Variants in STAB1 observed in about 807,000 individuals in gnomAD.
STAB1 encodes the protein stabilin 1.
Under a neutral mutation model 332.4 loss-of-function variants are expected in STAB1, and 250 were observed. The ratio of observed to expected loss-of-function variants is 0.75; its 90% CI spans 0.68 to 0.84. STAB1 has a LOEUF of 0.84. Ranked by LOEUF, STAB1 falls within the 40% of genes least tolerant of loss-of-function variation. STAB1 has a pLI of 0.00. For synonymous variants in STAB1, 1,475 were observed against 1,390.4 expected (o/e 1.06, Z -1.35); for missense variants, 3,249 against 3,489.7 (o/e 0.93, Z 1.74).
rs777603229 is a variant in STAB1 at position 52,521,443 on chromosome 3, C to T, written c.5991C>T (p.Cys1997=). The T allele has an allele frequency of 5.6e-6, 9 of 1,614,024 alleles. No individual in the cohort carries two copies. Among genetic ancestry groups the T allele is most frequent in the Non-Finnish European group, 7.6e-6 (9 of 1,180,014 alleles). Residue 1997 remains cysteine, a synonymous_variant, in exon 56 of 69, where the codon TGC becomes TGT. Coordinates refer to ENST00000321725, the MANE Select transcript of STAB1 (RefSeq NM_015136.3). Reference sequence around the variant, plus strand: ...TGAGTGGCAGTGGGCAGTGTCTGTGCCGTTCAGGTTTTGCTGGGACAGCCT... The same window carrying T: ...TGAGTGGCAGTGGGCAGTGTCTGTGTCGTTCAGGTTTTGCTGGGACAGCCT... ...DGMSGSGQCL[C]RSGFAGTACE...
In STAB1 at chr3:52,513,891, G is replaced by T. The variant is rs757699967; in HGVS notation, c.3357G>T (p.Leu1119=). 1 of 1,604,858 alleles carries T rather than the reference G, an allele frequency of 6.2e-7. No individual in the cohort carries two copies. The highest frequency in any genetic ancestry group is 1.1e-5 in the South Asian group (1 of 90,572). ...GVLHILSQVL[L]PPRGDVPGGQ... ...CCTGTGCTCTGTACCAGGTCTTACTGCCCCCCCGAGGGGATGTGCCCGGTG... is the reference window on the plus strand; with the variant it reads ...CCTGTGCTCTGTACCAGGTCTTACTTCCCCCCCGAGGGGATGTGCCCGGTG... Residue 1119 remains leucine, a synonymous_variant, in exon 32 of 69, where the codon CTG becomes CTT. Transcript: ENST00000321725.
Position 52,518,766 on chromosome 3 carries a change from G to C in STAB1, c.4931G>C (p.Arg1644Pro). The stretch of plus-strand genomic sequence containing the variant: ...CGTGCGCATCGCCAGCTGGTGTTTC[G>C]CTACCACGTGGTTGGCTGTCGGCGG... ...RIRAHRQLVF[R>P]YHVVGCRRLR... is the part of the protein sequence containing the mutation. Residue 1644 changes from arginine to proline, a missense_variant, in exon 48 of 69, where the codon CGC (arginine) becomes CCC (proline). Arg to Pro is a moderately radical substitution (Grantham distance 103). Transcript: ENST00000321725. The C allele has an allele frequency of 6.2e-7, 1 of 1,612,536 alleles. No individual in the cohort carries two copies. The highest frequency in any genetic ancestry group is 8.5e-7 in the Non-Finnish European group (1 of 1,179,842).
intron 1 of STAB1, among the ~76,000 whole-genome samples, chr3:52,500,652 G>A (rs889149089): frequency 5.9e-5 from 9 of 152,238 alleles, no homozygotes; most frequent in African/African-American, 1.9e-4. Flanking sequence ...TGGAGTCGCC[G>A]TGTCCTCCCA....
chr3:52,511,379 C>T (rs1405056007), intron 25 of STAB1, among the ~76,000 whole-genome samples: 2 of 152,276 alleles, frequency 1.3e-5, no homozygotes. Flanking sequence ...CTGGCAGGGC[C>T]CCAGGCTCCA....
At chr3:52,511,230 C>T (rs1025976567) in intron 25 of STAB1, among the ~76,000 whole-genome samples, 2 of 152,172 alleles carry the variant, frequency 1.3e-5, no homozygotes, top group Admixed American at 1.3e-4. Flanking sequence ...TAGACAAGCC[C>T]AGGGACACTG....
intron 21 of STAB1, 110 bp from the exon 22 acceptor site, chr3:52,509,100 T>G: frequency 2.1e-6 from 2 of 967,916 alleles, no homozygotes; most frequent in Non-Finnish European, 3.0e-6. Context: ...GGATGAGCTC[T>G]CACGGGTAGC....
Position 52,504,446 on chromosome 3 carries a change from C to T in STAB1, c.1151-15C>T, listed in dbSNP as rs1341462738. Reference sequence around the variant, plus strand: ...CCCCAGCTCCCTTCTGATGCTCCCTCACCCTGCCCCCCAGACCAGGGCTGC... The same window carrying T: ...CCCCAGCTCCCTTCTGATGCTCCCTTACCCTGCCCCCCAGACCAGGGCTGC... On this transcript the variant is annotated splice_polypyrimidine_tract_variant and intron_variant, in intron 10 of 68. Transcript: ENST00000321725. 2 of 1,613,562 alleles carry T rather than the reference C, an allele frequency of 1.2e-6. No homozygotes were observed. Among genetic ancestry groups the T allele is most frequent in the Admixed American group, 1.7e-5 (1 of 60,024 alleles).
chr3:52,503,603 C>T, intron 8 of STAB1, 63 bp downstream of exon 8: 1 of 1,583,098 alleles, frequency 6.3e-7, no homozygotes, highest in Non-Finnish European at 8.6e-7. Flanking sequence ...CTATGGGACC[C>T]TGGGCAAGTC....
intron 7 of STAB1, 81 bp from the exon 8 acceptor site, chr3:52,503,263 C>G: frequency 5.2e-6 from 8 of 1,527,574 alleles, no homozygotes; most frequent in Non-Finnish European, 7.1e-6. Flanking sequence ...CCTGCTGGCC[C>G]CGGCCTTCCT....
In STAB1 at chr3:52,503,457, T is replaced by C; in HGVS notation, c.808T>C (p.Cys270Arg). 6 of 1,613,814 alleles carry C rather than the reference T, an allele frequency of 3.7e-6. No individual in the cohort carries two copies. The highest frequency in any genetic ancestry group is 5.1e-6 in the Non-Finnish European group (6 of 1,180,026). Reference sequence around the variant, plus strand: ...GAACTACCATGGCGATGGGATGGTGTGTCTGCCCAAGGACCCATGCACTGA... The same window carrying C: ...GAACTACCATGGCGATGGGATGGTGCGTCTGCCCAAGGACCCATGCACTGA... ...PENYHGDGMVCLPKDPCTDNL... is the reference protein window; with the variant it reads ...PENYHGDGMVRLPKDPCTDNL... The change falls in exon 8 of 69, where the codon TGT becomes CGT. Residue 270 changes from cysteine (C) to arginine (R), a missense_variant. Coordinates refer to ENST00000321725, the MANE Select transcript of STAB1 (RefSeq NM_015136.3).
Position 52,516,362 on chromosome 3 carries a change from ACTGTGCCCATGGG to A in STAB1, c.4159_4171del (p.His1387ArgfsTer200). ...CTCCTTTATACCACTGCAGTGTGTG[ACTGTGCCCATGGG>A]CTGTGCCAGGAGGGGCTGCAAGGGG... On this transcript the variant is annotated frameshift_variant, in exon 39 of 69. Transcript: ENST00000321725. LOFTEE classifies it high-confidence loss of function. 6.2e-7 allele frequency: 1 copy of A among 1,607,856 alleles called. No individual in the cohort carries two copies. Among genetic ancestry groups the A allele is most frequent in the East Asian group, 2.2e-5 (1 of 44,730 alleles).
intron 37 of STAB1, among the ~76,000 whole-genome samples, chr3:52,515,841 GC>G (rs986551784): frequency 2.9e-4 from 44 of 152,264 alleles, no homozygotes; most frequent in African/African-American, 9.9e-4. Context: ...CCTTGCTTGA[GC>G]CTCAGTTTCC....
At chr3:52,495,799 G>A (rs1159609665) in intron 1 of STAB1, among the ~76,000 whole-genome samples, 1 of 152,218 alleles carries the variant, frequency 6.6e-6, no homozygotes, top group Non-Finnish European at 1.5e-5. Context: ...CCCAGACGGA[G>A]GCCCAGGTCT....
chr3:52,521,142 G>A (rs531792256), intron 55 of STAB1, 137 bp downstream of exon 55: 50 of 1,196,524 alleles, frequency 4.2e-5, no homozygotes, highest in Non-Finnish European at 5.6e-5. Flanking sequence ...TTTTACTAGC[G>A]GGAGTGCTCG....
intron 31 of STAB1, 39 bp downstream of exon 31, chr3:52,513,833 G>A: frequency 6.2e-7 from 1 of 1,612,970 alleles, no homozygotes; most frequent in Non-Finnish European, 8.5e-7. Flanking sequence ...AAACTTGCAG[G>A]CAGGCCGTGA....
chr3:52,504,472 C>G lies in STAB1; in HGVS notation c.1162C>G (p.Arg388Gly), dbSNP rs200617606. 5 of 1,613,902 alleles carry G rather than the reference C, an allele frequency of 3.1e-6. No homozygotes were observed. The Admixed American group carries it at 6.7e-5, about 22-fold the overall frequency. Residue 388 changes from arginine to glycine, a missense_variant, in exon 11 of 69, where the codon CGG (arginine) becomes GGG (glycine). Coordinates refer to ENST00000321725, the MANE Select transcript of STAB1 (RefSeq NM_015136.3). ...ACCCTGCCCCCCAGACCAGGGCTGC[C>G]GGGAAATCCTTACCACAGCGGGCCC... ...VAVAMMDQGCREILTTAGPFT... is the reference protein window; with the variant it reads ...VAVAMMDQGCGEILTTAGPFT...
intron 2 of STAB1, 86 bp downstream of exon 2, chr3:52,501,388 G>T: frequency 1.3e-6 from 2 of 1,559,434 alleles, no homozygotes; most frequent in Non-Finnish European, 1.7e-6. Flanking sequence ...CCCACAAAAT[G>T]AGGAGAAGCA....
chr3:52,504,475 GAAAT>G lies in STAB1; in HGVS notation c.1166_1169del (p.Glu389AlafsTer23). ...CTGCCCCCCAGACCAGGGCTGCCGG[GAAAT>G]CCTTACCACAGCGGGCCCTTTCACC... On this transcript the variant is annotated frameshift_variant, in exon 11 of 69. Transcript: ENST00000321725. LOFTEE classifies it high-confidence loss of function. The G allele has an allele frequency of 1.9e-6, 3 of 1,614,034 alleles. No homozygotes were observed. The highest frequency in any genetic ancestry group is 2.5e-6 in the Non-Finnish European group (3 of 1,179,996).
intron 61 of STAB1, 32 bp downstream of exon 61, chr3:52,522,720 T>C (rs1428361569): frequency 3.7e-6 from 6 of 1,612,800 alleles, no homozygotes; most frequent in African/African-American, 2.7e-5. Flanking sequence ...GGGCCAAGTG[T>C]TGGGGGAGGC....
Sources: gnomAD v4.1 joint callset for allele counts (sites outside exome capture counted in the v4.1 genomes callset) on GRCh38, gnomAD v4.1.1 for gene constraint, MANE v1.5 for transcripts, NCBI Gene and HGNC (gene_info 2026-07-23, HGNC 2026-07-21) for gene names.